EXT1: variants seen among roughly 807,000 people sequenced by gnomAD.
EXT1 encodes exostosin glycosyltransferase 1.
A neutral mutation model predicts 82.5 loss-of-function variants in EXT1; 20 were observed. The ratio of observed to expected loss-of-function variants is 0.24; its 90% CI spans 0.17 to 0.35. The LOEUF (loss-of-function observed/expected upper bound fraction) is 0.35. Ranked by LOEUF, EXT1 falls within the 10% of genes least tolerant of loss-of-function variation. The pLI, the probability that EXT1 is intolerant of heterozygous loss-of-function variation, is 1.00. For synonymous variants in EXT1, 348 were observed against 350.8 expected, an observed-to-expected ratio of 0.99 and a Z score of 0.09; for missense variants, 757 against 936.5, an observed-to-expected ratio of 0.81 and a Z score of 2.50.
chr8:118,075,587 A>G (rs570410898), intron 1 of EXT1, among the ~76,000 whole-genome samples: 35 of 152,152 alleles, frequency 2.3e-4, no homozygotes, highest in South Asian at 1.0e-3. Flanking sequence ...TAGTTTATAT[A>G]TGGTATGTTA....
intron 1 of EXT1, among the ~76,000 whole-genome samples, chr8:118,085,108 G>A (rs948250387): frequency 2.0e-5 from 3 of 152,210 alleles, no homozygotes; most frequent in African/African-American, 7.2e-5. Context: ...AAGATGGTGT[G>A]ACAAATTGAC....
intron 1 of EXT1, among the ~76,000 whole-genome samples, chr8:118,073,635 AAGAG>A (rs1817142196): frequency 3.4e-5 from 1 of 29,300 alleles, no homozygotes; most frequent in Middle Eastern, 0.015. Flanking sequence ...GAAGAGAAAG[AAGAG>A]AAGAGAAGAG....
chr8:117,980,212 T>C (rs2129763452), intron 1 of EXT1, among the ~76,000 whole-genome samples: 1 of 152,232 alleles, frequency 6.6e-6, no homozygotes, highest in East Asian at 1.9e-4. Context: ...TGAGTGATAA[T>C]ATGAGAAAAG....
At chr8:117,884,578 G>A (rs371316493) in intron 1 of EXT1, among the ~76,000 whole-genome samples, 38 of 152,242 alleles carry the variant, frequency 2.5e-4, no homozygotes, top group Non-Finnish European at 4.7e-4. Flanking sequence ...TCAAATTACC[G>A]TTGTATCATT....
intron 1 of EXT1, among the ~76,000 whole-genome samples, chr8:118,030,171 CCA>C (rs1215647567): frequency 6.6e-6 from 1 of 151,584 alleles, no homozygotes; most frequent in Non-Finnish European, 1.5e-5. Flanking sequence ...AATAAAATAA[CCA>C]CAGAGTGGTT....
At chr8:117,848,624 A>C (rs895445817) in intron 1 of EXT1, among the ~76,000 whole-genome samples, 2 of 152,024 alleles carry the variant, frequency 1.3e-5, no homozygotes, top group African/African-American at 4.8e-5. Context: ...GTCAGGTAGC[A>C]CTCTGAGCAC....
intron 1 of EXT1, among the ~76,000 whole-genome samples, chr8:117,927,266 A>AT (rs780874929): frequency 2.0e-5 from 3 of 152,202 alleles, no homozygotes; most frequent in Non-Finnish European, 4.4e-5. Flanking sequence ...GGAAAAAAAA[A>AT]GAAAAAAGGC....
At chr8:118,060,415 G>A (rs17476882) in intron 1 of EXT1, among the ~76,000 whole-genome samples, 1,844 of 152,244 alleles carry the variant, frequency 0.012, 27 homozygotes, top group African/African-American at 0.042. Flanking sequence ...AGACTCGAAG[G>A]TCTAGTCCCC....
chr8:117,981,092 G>A (rs1310522739), intron 1 of EXT1, among the ~76,000 whole-genome samples: 4 of 152,170 alleles, frequency 2.6e-5, no homozygotes, highest in Admixed American at 6.5e-5. Context: ...TCAAGAAAGA[G>A]AACTTATTTA....
At chr8:117,911,583 C>G (rs1373517067) in intron 1 of EXT1, among the ~76,000 whole-genome samples, 1 of 152,188 alleles carries the variant, frequency 6.6e-6, no homozygotes, top group Non-Finnish European at 1.5e-5. Flanking sequence ...AAATGGGGAA[C>G]CCTTTGAGAC....
At chr8:118,003,538 T>C (rs1815717204) in intron 1 of EXT1, among the ~76,000 whole-genome samples, 1 of 152,108 alleles carries the variant, frequency 6.6e-6, no homozygotes, top group Admixed American at 6.6e-5. Flanking sequence ...AAAAAATCAG[T>C]TTCCCTTAAA....
At chr8:117,833,744 G>A (rs1780892471) in intron 3 of EXT1, among the ~76,000 whole-genome samples, 3 of 152,190 alleles carry the variant, frequency 2.0e-5, no homozygotes, top group Admixed American at 2.0e-4. Flanking sequence ...GAAAATTATG[G>A]GTGGTGTTTT....
intron 1 of EXT1, among the ~76,000 whole-genome samples, chr8:117,949,996 G>C (rs891254951): frequency 3.3e-5 from 5 of 152,082 alleles, no homozygotes; most frequent in Non-Finnish European, 7.4e-5. Flanking sequence ...AGGCTGAGGC[G>C]GGCAGATCGC....
chr8:117,816,028 GA>G (rs1023392773), intron 7 of EXT1, among the ~76,000 whole-genome samples: 3 of 151,592 alleles, frequency 2.0e-5, no homozygotes, highest in Non-Finnish European at 2.9e-5. Flanking sequence ...GGTGGGGAGG[GA>G]GGTACATAAG....
chr8:117,929,048 C>T (rs923336742), intron 1 of EXT1, among the ~76,000 whole-genome samples: 1 of 152,142 alleles, frequency 6.6e-6, no homozygotes, highest in African/African-American at 2.4e-5. Context: ...TCCTTAGTTT[C>T]TTCAATTGGG....
intron 1 of EXT1, among the ~76,000 whole-genome samples, chr8:117,885,241 C>T (rs1813125853): frequency 6.6e-6 from 1 of 152,178 alleles, no homozygotes; most frequent in African/African-American, 2.4e-5. Context: ...TAAATCAACA[C>T]TCATCTTAAT....
intron 1 of EXT1, among the ~76,000 whole-genome samples, chr8:118,071,339 T>C (rs1189056801): frequency 6.6e-6 from 1 of 152,196 alleles, no homozygotes; most frequent in Non-Finnish European, 1.5e-5. Context: ...TAAAATTACA[T>C]AGTTCTTTGT....
At chr8:118,090,516 G>A (rs898771517) in intron 1 of EXT1, among the ~76,000 whole-genome samples, 1 of 152,014 alleles carries the variant, frequency 6.6e-6, no homozygotes, top group South Asian at 2.1e-4. Context: ...AGTGGCTCAT[G>A]CCTGTAATCC....
intron 5 of EXT1, among the ~76,000 whole-genome samples, chr8:117,820,150 T>C (rs908541915): frequency 1.3e-5 from 2 of 152,176 alleles, no homozygotes; most frequent in Non-Finnish European, 2.9e-5. Flanking sequence ...CCATGGTATT[T>C]GCATGTGTCT....
Sources: gnomAD v4.1 joint callset for allele counts (sites outside exome capture counted in the v4.1 genomes callset) on GRCh38, gnomAD v4.1.1 for gene constraint, MANE v1.5 for transcripts, NCBI Gene and HGNC (gene_info 2026-07-23, HGNC 2026-07-21) for gene names.